NTRK2: variants seen among roughly 807,000 people sequenced by gnomAD.
The protein encoded by NTRK2 is BDNF/NT-3 growth factors receptor.
A neutral mutation model predicts 94.5 loss-of-function variants in NTRK2; 13 were observed. The observed-to-expected ratio is 0.14, with a 90% CI of 0.09 to 0.22. NTRK2 has a LOEUF of 0.22. Ranked by LOEUF, NTRK2 falls within the 10% of genes least tolerant of loss-of-function variation. The pLI, the probability that NTRK2 is intolerant of heterozygous loss-of-function variation, is 1.00. For synonymous variants in NTRK2, 372 were observed against 407.4 expected, an observed-to-expected ratio of 0.91 and a Z score of 1.05; for missense variants, 639 against 1,071.2, an observed-to-expected ratio of 0.60 and a Z score of 5.63.
intron 14 of NTRK2, among the ~76,000 whole-genome samples, chr9:84,928,427 G>A (rs961100007): frequency 2.0e-5 from 3 of 152,020 alleles, no homozygotes; most frequent in African/African-American, 7.2e-5. Flanking sequence ...GGAGATGTGC[G>A]GCTCATTTCA....
intron 15 of NTRK2, among the ~76,000 whole-genome samples, chr9:84,935,990 G>A (rs2078202659): frequency 6.6e-6 from 1 of 152,132 alleles, no homozygotes; most frequent in African/African-American, 2.4e-5. Flanking sequence ...TTATAGACAA[G>A]GAATCTTAAG....
intron 11 of NTRK2, among the ~76,000 whole-genome samples, chr9:84,751,368 C>T (rs546093850): frequency 6.6e-6 from 1 of 152,182 alleles, no homozygotes; most frequent in East Asian, 1.9e-4. Flanking sequence ...TTCCTTGAGC[C>T]CGGGATTTCA....
At chr9:85,020,468 C>T (rs1188232548) in intron 18 of NTRK2, 104 bp downstream of exon 18, 3 of 1,198,470 alleles carry the variant, frequency 2.5e-6, no homozygotes, top group Admixed American at 1.7e-5. Context: ...AGGACACGAT[C>T]TTATGGGCTT....
intron 14 of NTRK2, among the ~76,000 whole-genome samples, chr9:84,882,719 T>TGTGCGCGCGCGCGC (rs761042296): frequency 0.018 from 2,613 of 145,458 alleles, 47 homozygotes; most frequent in African/African-American, 0.038. Context: ...TGTGTGTGTG[T>TGTGCGCGCGCGCGC]GCGCGCGCGC....
chr9:84,864,742 T>TC (rs1383443351), intron 13 of NTRK2, among the ~76,000 whole-genome samples: 19 of 132,906 alleles, frequency 1.4e-4, no homozygotes, highest in African/African-American at 3.7e-4. Context: ...TTTTCTTTTT[T>TC]TTTTTTTTTT....
At chr9:84,835,111 C>T (rs1285413101) in intron 12 of NTRK2, among the ~76,000 whole-genome samples, 1 of 152,170 alleles carries the variant, frequency 6.6e-6, no homozygotes, top group South Asian at 2.1e-4. Context: ...CCTGCCTTAA[C>T]AAAGACTTCT....
chr9:84,798,019 A>G (rs935296890), intron 12 of NTRK2, among the ~76,000 whole-genome samples: 2 of 149,688 alleles, frequency 1.3e-5, no homozygotes, highest in Admixed American at 1.4e-4. Context: ...TCTTGCCGCT[A>G]TAACAAAGTA....
intron 17 of NTRK2, among the ~76,000 whole-genome samples, chr9:84,996,367 G>A (rs1048522114): frequency 1.7e-4 from 26 of 152,346 alleles, no homozygotes; most frequent in African/African-American, 5.3e-4. Flanking sequence ...TTCATCAGAG[G>A]GAAGCACTAG....
chr9:84,746,346 A>C (rs1311680758), intron 11 of NTRK2, among the ~76,000 whole-genome samples: 2 of 152,162 alleles, frequency 1.3e-5, no homozygotes, highest in East Asian at 3.9e-4. Context: ...AGCAGAGACC[A>C]TATGGTCTGC....
At chr9:84,999,772 T>C (rs1022104533) in intron 17 of NTRK2, among the ~76,000 whole-genome samples, 1 of 152,066 alleles carries the variant, frequency 6.6e-6, no homozygotes, top group Non-Finnish European at 1.5e-5. Flanking sequence ...CTGTTGAGAG[T>C]GGACTTCCAG....
intron 14 of NTRK2, among the ~76,000 whole-genome samples, chr9:84,900,819 C>T (rs2076904861): frequency 6.6e-6 from 1 of 152,150 alleles, no homozygotes; most frequent in South Asian, 2.1e-4. Flanking sequence ...ATTCCTCTCC[C>T]CCAAGTCTTC....
chr9:84,990,013 G>A lies in NTRK2; in HGVS notation c.2173-30193G>A, dbSNP rs564510912. 3.9e-5 allele frequency among the ~76,000 whole-genome samples: 6 copies of A among 151,920 alleles called. No homozygotes were observed. In the South Asian group the frequency reaches 1.2e-3, roughly 32 times the overall value. ...AACATTGGTGGCATCTTTTGCTGGGGGTTTTTTGCCTTTCACTCCTTGCTC... is the reference window on the plus strand; with the variant it reads ...AACATTGGTGGCATCTTTTGCTGGGAGTTTTTTGCCTTTCACTCCTTGCTC... On this transcript the variant is annotated intron_variant, in intron 17 of 18. Coordinates refer to ENST00000277120, the MANE Select transcript of NTRK2 (RefSeq NM_006180.6).
chr9:84,981,283 G>T (rs574587681), intron 17 of NTRK2, among the ~76,000 whole-genome samples: 1 of 151,500 alleles, frequency 6.6e-6, no homozygotes, highest in Non-Finnish European at 1.5e-5. Context: ...TTTATGTTTA[G>T]TAGAGAGTGG....
intron 12 of NTRK2, among the ~76,000 whole-genome samples, chr9:84,775,602 A>G (rs2066954878): frequency 6.6e-6 from 1 of 152,178 alleles, no homozygotes; most frequent in Non-Finnish European, 1.5e-5. Flanking sequence ...CAAATTTATA[A>G]TCAATATTGA....
intron 12 of NTRK2, among the ~76,000 whole-genome samples, chr9:84,832,148 C>G (rs982232606): frequency 1.3e-5 from 2 of 152,200 alleles, no homozygotes; most frequent in African/African-American, 4.8e-5. Context: ...ACCCGTTTCT[C>G]TCCATATAAC....
chr9:84,836,578 T>C (rs940990157), intron 12 of NTRK2, among the ~76,000 whole-genome samples: 2 of 149,212 alleles, frequency 1.3e-5, no homozygotes, highest in African/African-American at 5.0e-5. Context: ...GTAATGTTAT[T>C]GTTTTCTAGC....
chr9:84,765,034 A>C (rs532101784), intron 12 of NTRK2, among the ~76,000 whole-genome samples: 19 of 152,330 alleles, frequency 1.2e-4, no homozygotes, highest in Admixed American at 5.2e-4. Flanking sequence ...GGACACAGAC[A>C]GTAGAAGGTG....
chr9:84,817,724 T>G (rs1175848588), intron 12 of NTRK2, among the ~76,000 whole-genome samples: 1 of 152,206 alleles, frequency 6.6e-6, no homozygotes. Flanking sequence ...AAAAGACAGT[T>G]TCAAGTTCCC....
chr9:84,677,258 C>T (rs181731301), intron 2 of NTRK2, among the ~76,000 whole-genome samples: 73 of 152,202 alleles, frequency 4.8e-4, no homozygotes, highest in African/African-American at 1.6e-3. Flanking sequence ...AGACCTGTGG[C>T]CAGAGAGTAC....
Sources: gnomAD v4.1 joint callset for allele counts (sites outside exome capture counted in the v4.1 genomes callset) on GRCh38, gnomAD v4.1.1 for gene constraint, MANE v1.5 for transcripts, NCBI Gene and HGNC (gene_info 2026-07-23, HGNC 2026-07-21) for gene names.